The following OXR1 variants were observed in gnomAD, a reference collection of about 807,000 sequenced individuals.
OXR1 encodes the protein oxidation resistance protein 1.
Under a neutral mutation model 104.6 loss-of-function variants are expected in OXR1, and 41 were observed. The observed-to-expected ratio is 0.39, with a 90% CI of 0.31 to 0.51. The LOEUF is 0.51. OXR1 is among the 20% of genes least tolerant of loss of function. The pLI, the probability that OXR1 is intolerant of heterozygous loss-of-function variation, is 0.77. For missense variants in OXR1, 955 were observed against 1,031.9 expected, an observed-to-expected ratio of 0.93 and a Z score of 1.02; for synonymous variants, 348 against 348.4, an observed-to-expected ratio of 1.00 and a Z score of 0.01.
At chr8:106,270,610 G>A (rs1811755126) in intron 1 of OXR1, among the ~76,000 whole-genome samples, 1 of 147,482 alleles carries the variant, frequency 6.8e-6, no homozygotes, top group African/African-American at 2.6e-5. Context: ...GGGCGGACTT[G>A]GGAAGAAGGA....
At chr8:106,739,646 C>G (rs929274936) in intron 13 of OXR1, 63 bp downstream of exon 13, 1 of 1,513,888 alleles carries the variant, frequency 6.6e-7, no homozygotes, top group African/African-American at 1.4e-5. Flanking sequence ...AGTAAAACAG[C>G]CTCTTTTTAG....
intron 2 of OXR1, among the ~76,000 whole-genome samples, chr8:106,500,814 A>G (rs924244552): frequency 2.0e-5 from 3 of 152,250 alleles, no homozygotes; most frequent in Non-Finnish European, 4.4e-5. Context: ...CAAAATTGCT[A>G]TATCATCTAA....
In OXR1 at chr8:106,618,027, C is replaced by T. The variant is rs116500980; in HGVS notation, c.221-61183C>T. Reference sequence around the variant, plus strand: ...CACACTGCCACCAGGGGTCAGGGACCGGGCGGGAGGAGAAGGCACTCTGGC... The same window carrying T: ...CACACTGCCACCAGGGGTCAGGGACTGGGCGGGAGGAGAAGGCACTCTGGC... On this transcript the variant is annotated intron_variant, in intron 3 of 16. Transcript: ENST00000517566. 8.8e-4 allele frequency: 1,327 copies of T among 1,512,956 alleles called. 8 individuals carry two copies. In the African/African-American group the frequency reaches 0.013, roughly 15 times the overall value. The allele number at this position is 1,512,956 out of a possible 1,614,324, so 93.7% of individuals were successfully genotyped here.
intron 6 of OXR1, among the ~76,000 whole-genome samples, chr8:106,687,494 G>A (rs1469029265): frequency 1.3e-5 from 2 of 152,146 alleles, no homozygotes; most frequent in Non-Finnish European, 2.9e-5. Context: ...GCCGAGGCAG[G>A]CAGATCACTT....
chr8:106,326,153 A>G (rs947729355), intron 1 of OXR1, among the ~76,000 whole-genome samples: 5 of 152,214 alleles, frequency 3.3e-5, no homozygotes, highest in Admixed American at 2.6e-4. Flanking sequence ...CTTTGACCAC[A>G]TCGTCTGTCA....
intron 7 of OXR1, among the ~76,000 whole-genome samples, chr8:106,701,414 C>G (rs1830574904): frequency 6.6e-6 from 1 of 152,084 alleles, no homozygotes; most frequent in Admixed American, 6.6e-5. Flanking sequence ...TCTGCCATAA[C>G]TTAATTTTTA....
chr8:106,406,606 A>C (rs1398695240), intron 2 of OXR1, among the ~76,000 whole-genome samples: 2 of 152,224 alleles, frequency 1.3e-5, no homozygotes, highest in African/African-American at 4.8e-5. Flanking sequence ...AAAAGGCTAC[A>C]TACTGTATGA....
At chr8:106,445,400 C>T (rs1246815554) in intron 2 of OXR1, among the ~76,000 whole-genome samples, 1 of 152,090 alleles carries the variant, frequency 6.6e-6, no homozygotes, top group Non-Finnish European at 1.5e-5. Context: ...CAGGTGAATC[C>T]ATCTGCAGGA....
chr8:106,558,657 A>C (rs1412694821), intron 3 of OXR1, among the ~76,000 whole-genome samples: 1 of 152,202 alleles, frequency 6.6e-6, no homozygotes, highest in East Asian at 1.9e-4. Flanking sequence ...CAGTAAAACT[A>C]CTGTTTTGTG....
chr8:106,354,346 A>G (rs1451811039), intron 1 of OXR1, among the ~76,000 whole-genome samples: 1 of 152,208 alleles, frequency 6.6e-6, no homozygotes, highest in Admixed American at 6.5e-5. Context: ...TTGAATCTTT[A>G]GCATAAAAGT....
chr8:106,484,548 C>T (rs1822331907), intron 2 of OXR1, among the ~76,000 whole-genome samples: 1 of 151,810 alleles, frequency 6.6e-6, no homozygotes, highest in Non-Finnish European at 1.5e-5. Flanking sequence ...ATACAGATGG[C>T]AAATAAGCAT....
At chr8:106,339,114 T>C (rs1172799771) in intron 1 of OXR1, among the ~76,000 whole-genome samples, 1 of 152,180 alleles carries the variant, frequency 6.6e-6, no homozygotes, top group Non-Finnish European at 1.5e-5. Context: ...TTACATACTT[T>C]TGTGTCCACA....
intron 2 of OXR1, among the ~76,000 whole-genome samples, chr8:106,408,958 G>A (rs1268577916): frequency 6.6e-6 from 1 of 152,226 alleles, no homozygotes; most frequent in Non-Finnish European, 1.5e-5. Context: ...GATGATCAAA[G>A]GTGAGTTCCT....
intron 2 of OXR1, 106 bp from the exon 3 acceptor site, chr8:106,518,837 T>C: frequency 1.4e-6 from 1 of 702,804 alleles, no homozygotes; most frequent in Middle Eastern, 2.9e-4. Flanking sequence ...GATGTGGTTC[T>C]ATCTCAAGGT....
intron 2 of OXR1, among the ~76,000 whole-genome samples, chr8:106,478,503 A>T (rs1821925770): frequency 6.6e-6 from 1 of 151,854 alleles, no homozygotes; most frequent in South Asian, 2.1e-4. Context: ...TTTGTGTCAG[A>T]ATAGTAAGTA....
chr8:106,450,866 A>G (rs1820275773), intron 2 of OXR1, among the ~76,000 whole-genome samples: 1 of 152,156 alleles, frequency 6.6e-6, no homozygotes, highest in African/African-American at 2.4e-5. Flanking sequence ...TCTTAAGAAC[A>G]AACAGCTTAT....
intron 1 of OXR1, among the ~76,000 whole-genome samples, chr8:106,332,129 T>A (rs10955419): frequency 0.28 from 42,851 of 151,276 alleles, 6,977 homozygotes; most frequent in Admixed American, 0.35. Flanking sequence ...TGAGAATTTA[T>A]TAAATCAAGT....
intron 1 of OXR1, among the ~76,000 whole-genome samples, chr8:106,312,206 T>C (rs1231911179): frequency 6.6e-6 from 1 of 152,238 alleles, no homozygotes; most frequent in East Asian, 1.9e-4. Context: ...CTTTTGCTTC[T>C]TGTGCAGTAG....
chr8:106,585,430 TTACCCAGATTAGAATTTCTCTTTTC>T (rs1312270872), intron 3 of OXR1, among the ~76,000 whole-genome samples: 2 of 152,172 alleles, frequency 1.3e-5, no homozygotes, highest in Non-Finnish European at 2.9e-5. Context: ...TGTATATCCA[TTACCCAGATTAGAATTTCTCTTTTC>T]TACCTGATTG....
Sources: allele counts gnomAD v4.1 joint callset (sites outside exome capture counted in the v4.1 genomes callset), GRCh38; gene constraint gnomAD v4.1.1; transcripts MANE v1.5; gene names NCBI Gene and HGNC (gene_info 2026-07-23, HGNC 2026-07-21).